Variants in SNX25 observed in about 807,000 individuals in gnomAD.
SNX25 encodes the protein sorting nexin 25, also known as sorting nexin-25.
In SNX25, 62 loss-of-function variants were observed where a neutral mutation model predicts 113.7. The ratio of observed to expected loss-of-function variants is 0.55; its 90% confidence interval spans 0.44 to 0.67. The LOEUF (loss-of-function observed/expected upper bound fraction) is 0.67. Ranked by LOEUF, SNX25 falls within the 30% of genes least tolerant of loss-of-function variation. The probability of loss-of-function intolerance (pLI) is 0.00; values close to 1 mark genes in which losing one functional copy is unlikely to be tolerated. For synonymous variants in SNX25, 421 were observed against 436.2 expected (o/e 0.97, Z 0.43); for missense variants, 1,014 against 1,161.0 (o/e 0.87, Z 1.84).
intron 9 of SNX25, 28 bp from the exon 10 acceptor site, chr4:185,332,567 A>G (rs2095203074): frequency 6.3e-7 from 1 of 1,576,390 alleles, no homozygotes; most frequent in African/African-American, 1.4e-5. Flanking sequence ...TCATTATAAG[A>G]TATGGTGGTA....
intron 9 of SNX25, among the ~76,000 whole-genome samples, chr4:185,324,143 T>TA (rs1396434201): frequency 3.3e-5 from 5 of 152,132 alleles, no homozygotes; most frequent in Non-Finnish European, 5.9e-5. Flanking sequence ...AGAAAGTCTG[T>TA]AGGGTGGGAC....
chr4:185,315,194 C>G (rs1295587007), intron 7 of SNX25, among the ~76,000 whole-genome samples: 1 of 150,118 alleles, frequency 6.7e-6, no homozygotes, highest in Non-Finnish European at 1.5e-5. Context: ...TGCCACTGCA[C>G]TCCAGCCTCA....
At chr4:185,250,498 C>T (rs185908190) in intron 2 of SNX25, among the ~76,000 whole-genome samples, 41 of 152,258 alleles carry the variant, frequency 2.7e-4, no homozygotes, top group African/African-American at 9.6e-4. Context: ...AATCTGTTTC[C>T]TGATATATTA....
upstream of SNX25, among the ~76,000 whole-genome samples, chr4:185,204,791 G>T (rs1737114507): frequency 6.6e-6 from 1 of 152,216 alleles, no homozygotes; most frequent in South Asian, 2.1e-4. Flanking sequence ...TGATGTCAGA[G>T]GCAATGAGCC....
intron 5 of SNX25, among the ~76,000 whole-genome samples, chr4:185,286,593 A>G (rs1751382329): frequency 6.6e-6 from 1 of 152,190 alleles, no homozygotes; most frequent in Non-Finnish European, 1.5e-5. Flanking sequence ...CCTGTCTCCA[A>G]GGCTAGAATG....
At chr4:185,271,666 A>G (rs1402349344) in intron 5 of SNX25, among the ~76,000 whole-genome samples, 1 of 152,232 alleles carries the variant, frequency 6.6e-6, no homozygotes, top group Non-Finnish European at 1.5e-5. Flanking sequence ...ATTGCTCTCA[A>G]TACAATTTTG....
At chr4:185,212,462 G>GAT (rs1737982408) in intron 1 of SNX25, among the ~76,000 whole-genome samples, 2 of 95,078 alleles carry the variant, frequency 2.1e-5, no homozygotes, top group South Asian at 4.0e-4. Flanking sequence ...TAATTTGTGT[G>GAT]ATGTGTGTGT....
At chr4:185,245,750 G>C (rs1744778631) in intron 1 of SNX25, among the ~76,000 whole-genome samples, 1 of 152,156 alleles carries the variant, frequency 6.6e-6, no homozygotes, top group African/African-American at 2.4e-5. Context: ...AAAAGTGTCT[G>C]TGCTTGCAAA....
intron 5 of SNX25, among the ~76,000 whole-genome samples, chr4:185,270,930 G>T (rs1401934380): frequency 6.6e-6 from 1 of 152,122 alleles, no homozygotes; most frequent in African/African-American, 2.4e-5. Flanking sequence ...CCGGTCCATG[G>T]GCAAGTTGGA....
intron 9 of SNX25, among the ~76,000 whole-genome samples, chr4:185,326,802 G>A (rs906500248): frequency 6.6e-6 from 1 of 152,104 alleles, no homozygotes; most frequent in Non-Finnish European, 1.5e-5. Context: ...CTATTTTAAT[G>A]TTTGACCACA....
Position 185,264,605 on chromosome 4 carries a change from C to T in SNX25, c.899C>T (p.Thr300Ile), listed in dbSNP as rs375904115. The part of the protein sequence containing the change: ...LRIMLAEILT[T>I]KVLKPVVELL... ...ATAATGCTTGCAGAAATTCTCACAA[C>T]AAAAGGTAGACTTATACAGTTGATT... The change falls in exon 4 of 19, where the codon ACA becomes ATA. Residue 300 changes from threonine to isoleucine, a missense_variant. Thr to Ile is a moderately conservative substitution (Grantham distance 89). Transcript: ENST00000652585. The T allele has an allele frequency of 3.7e-6, 6 of 1,613,722 alleles. No homozygotes were observed. The African/African-American group carries it at 5.3e-5, about 14-fold the overall frequency.
chr4:185,259,236 T>TA (rs1392833418), intron 3 of SNX25, among the ~76,000 whole-genome samples, 172 bp downstream of exon 3: 3 of 152,130 alleles, frequency 2.0e-5, no homozygotes, highest in Non-Finnish European at 4.4e-5. Context: ...TTTTTTTTTT[T>TA]ACTTTATGCT....
chr4:185,330,608 C>T (rs538888541), intron 9 of SNX25, among the ~76,000 whole-genome samples: 159 of 152,148 alleles, frequency 1.0e-3, no homozygotes, highest in African/African-American at 3.6e-3. Flanking sequence ...AAGGTTTGTA[C>T]GAAGAGAAAC....
chr4:185,267,442 C>G (rs556147007), intron 5 of SNX25, among the ~76,000 whole-genome samples: 43 of 151,954 alleles, frequency 2.8e-4, no homozygotes, highest in Admixed American at 2.5e-3. Context: ...TAACATTTGA[C>G]TTGGGCCAAG....
Position 185,264,471 on chromosome 4 carries a change from C to G in SNX25, c.765C>G (p.His255Gln). 1 of 1,613,514 alleles carries G rather than the reference C, an allele frequency of 6.2e-7. No homozygotes were observed. Among genetic ancestry groups the G allele is most frequent in the Non-Finnish European group, 8.5e-7 (1 of 1,179,930 alleles). ...AACAGCCAAGACCTTTTGTGTTGCA[C>G]GCATGCTTGAGGAACTCAGATGATG... ...HEEQPRPFVL[H>Q]ACLRNSDDEV... The change falls in exon 4 of 19, where the codon CAC becomes CAG. Residue 255 changes from histidine (H) to glutamine (Q), a missense_variant. His to Gln is a conservative substitution (Grantham distance 24). Coordinates refer to ENST00000652585, the MANE Select transcript of SNX25 (RefSeq NM_001378034.2).
intron 1 of SNX25, among the ~76,000 whole-genome samples, chr4:185,219,129 C>T (rs1228305102): frequency 3.3e-5 from 5 of 152,188 alleles, no homozygotes; most frequent in African/African-American, 1.2e-4. Context: ...TTGGGGTACT[C>T]CTGTCTCAGT....
chr4:185,332,274 T>C (rs750516436), intron 9 of SNX25, among the ~76,000 whole-genome samples: 5 of 152,108 alleles, frequency 3.3e-5, no homozygotes, highest in Non-Finnish European at 7.4e-5. Context: ...AATATTCAGG[T>C]TGAGTTGGGA....
intron 13 of SNX25, among the ~76,000 whole-genome samples, chr4:185,350,601 G>A (rs1279705983): frequency 6.6e-6 from 1 of 152,174 alleles, no homozygotes; most frequent in Non-Finnish European, 1.5e-5. Context: ...GGTGGCTCAC[G>A]CCTGTAATCC....
At chr4:185,332,551 T>A (rs772418920) in intron 9 of SNX25, 44 bp from the exon 10 acceptor site, 1 of 1,509,212 alleles carries the variant, frequency 6.6e-7, no homozygotes, top group South Asian at 1.4e-5. Flanking sequence ...ATTACTGAAT[T>A]TTCTATCATT....
Sources: gnomAD v4.1 joint callset for allele counts (sites outside exome capture counted in the v4.1 genomes callset) on GRCh38, gnomAD v4.1.1 for gene constraint, MANE v1.5 for transcripts, NCBI Gene and HGNC (gene_info 2026-07-23, HGNC 2026-07-21) for gene names.